Variants in MIS18A observed in about 807,000 individuals in gnomAD.
MIS18A encodes MIS18 kinetochore protein A.
MIS18A carries 14 observed loss-of-function variants against 25.0 expected under a neutral mutation model. The observed-to-expected ratio is 0.56, with a 90% confidence interval of 0.37 to 0.88. MIS18A has a LOEUF of 0.88. Among genes scored for constraint, MIS18A ranks in the 40% least tolerant of loss-of-function variants. MIS18A has a pLI of 0.00. For synonymous variants in MIS18A, 134 were observed against 118.6 expected (o/e 1.13, Z -0.84); for missense variants, 292 against 290.8 (o/e 1.00, Z -0.03).
the MIS18A span, among the ~76,000 whole-genome samples, chr21:32,172,301 A>G: frequency 6.6e-6 from 1 of 152,080 alleles, no homozygotes; most frequent in Non-Finnish European, 1.5e-5. Flanking sequence ...CATATACCCA[A>G]AGGAAACAAA....
the MIS18A span, among the ~76,000 whole-genome samples, chr21:32,157,274 T>C: frequency 0.079 from 3 of 38 alleles, no homozygotes; most frequent in Non-Finnish European, 0.15. Flanking sequence ...TTCATCATCT[T>C]GGCCCAGGCT....
At chr21:32,242,822 C>T in the MIS18A span, among the ~76,000 whole-genome samples, 3 of 152,118 alleles carry the variant, frequency 2.0e-5, no homozygotes, top group Non-Finnish European at 4.4e-5. Flanking sequence ...GGGGCCATGT[C>T]GAACTGGTAA....
the MIS18A span, among the ~76,000 whole-genome samples, chr21:32,187,098 G>T: frequency 0.011 from 1,712 of 152,260 alleles, 15 homozygotes; most frequent in Non-Finnish European, 0.018. Flanking sequence ...GGGAAGGCTT[G>T]GTTTCTGCAC....
Position 32,268,795 on chromosome 21 carries a change from GT to G in MIS18A, c.*241del, listed in dbSNP as rs35101292. 1,254 of 309,630 alleles carry G rather than the reference GT, an allele frequency of 4.0e-3. No homozygotes were observed. Among genetic ancestry groups the G allele is most frequent in the East Asian group, 5.0e-3 (93 of 18,760 alleles). 19.2% of individuals were successfully genotyped at this position (309,630 alleles called of 1,614,324 possible). On this transcript the variant is annotated 3_prime_UTR_variant, in exon 5 of 5. Transcript: ENST00000290130. The stretch of plus-strand genomic sequence containing the variant: ...TATAGAAGTAATTCTACAATTTTGG[GT>G]TTTTTTTTTGAGAGAAGGTCTCACT...
At chr21:32,219,536 C>G in the MIS18A span, among the ~76,000 whole-genome samples, 1 of 152,218 alleles carries the variant, frequency 6.6e-6, no homozygotes, top group South Asian at 2.1e-4. Context: ...GTTTCAAGAA[C>G]AAAACTGGGC....
chr21:32,263,057 A>G, the MIS18A span, among the ~76,000 whole-genome samples: 1 of 152,204 alleles, frequency 6.6e-6, no homozygotes, highest in Non-Finnish European at 1.5e-5. Flanking sequence ...AAAATTAATG[A>G]TCAATACCCA....
At chr21:32,262,165 G>C in the MIS18A span, among the ~76,000 whole-genome samples, 2 of 152,190 alleles carry the variant, frequency 1.3e-5, no homozygotes, top group African/African-American at 4.8e-5. Flanking sequence ...TGCTTCCTAC[G>C]GAAGAGGGTT....
At chr21:32,253,871 G>A in the MIS18A span, among the ~76,000 whole-genome samples, 1 of 152,252 alleles carries the variant, frequency 6.6e-6, no homozygotes, top group African/African-American at 2.4e-5. Flanking sequence ...TCAAAAAATT[G>A]GAAATAGTTT....
downstream of MIS18A, among the ~76,000 whole-genome samples, chr21:32,264,227 G>C (rs1231870165): frequency 6.6e-6 from 1 of 152,066 alleles, no homozygotes. Flanking sequence ...AAAATGACTA[G>C]AAGGATATAC....
the MIS18A span, among the ~76,000 whole-genome samples, chr21:32,224,893 A>G: frequency 7.1e-6 from 1 of 140,574 alleles, no homozygotes; most frequent in Non-Finnish European, 1.5e-5. Context: ...ACAAGGCTAC[A>G]GTAACCAAAA....
At chr21:32,170,451 T>G in the MIS18A span, among the ~76,000 whole-genome samples, 1 of 152,056 alleles carries the variant, frequency 6.6e-6, no homozygotes, top group Admixed American at 6.6e-5. Context: ...ATAGAAAATA[T>G]AAGAAATGGA....
chr21:32,201,157 G>A, the MIS18A span, among the ~76,000 whole-genome samples: 7 of 152,104 alleles, frequency 4.6e-5, no homozygotes, highest in South Asian at 1.5e-3. Flanking sequence ...GAGGGGACAG[G>A]TATCAGATTA....
At chr21:32,240,129 G>A in the MIS18A span, among the ~76,000 whole-genome samples, 1 of 152,358 alleles carries the variant, frequency 6.6e-6, no homozygotes, top group Non-Finnish European at 1.5e-5. Flanking sequence ...ACGTTGCATC[G>A]CATTGCTGCA....
chr21:32,157,262 G>C, the MIS18A span, among the ~76,000 whole-genome samples: 1 of 1,298 alleles, frequency 7.7e-4, no homozygotes, highest in Non-Finnish European at 1.1e-3. Flanking sequence ...TAGAGACAGG[G>C]TTTCATCATC....
At chr21:32,168,760 A>G in the MIS18A span, among the ~76,000 whole-genome samples, 1 of 152,214 alleles carries the variant, frequency 6.6e-6, no homozygotes, top group South Asian at 2.1e-4. Flanking sequence ...ATAAGCTAGC[A>G]TTGGGAAAAA....
chr21:32,242,496 T>G, the MIS18A span, among the ~76,000 whole-genome samples: 2 of 152,102 alleles, frequency 1.3e-5, no homozygotes, highest in African/African-American at 2.4e-5. Context: ...TAGACTGTAC[T>G]TAAAAAAAAA....
At chr21:32,250,480 C>T in the MIS18A span, among the ~76,000 whole-genome samples, 5 of 152,294 alleles carry the variant, frequency 3.3e-5, no homozygotes, top group African/African-American at 9.6e-5. Context: ...CCTCTCCCAT[C>T]CCCAGGTTGT....
the MIS18A span, among the ~76,000 whole-genome samples, chr21:32,203,212 T>C: frequency 1.3e-5 from 2 of 150,160 alleles, no homozygotes; most frequent in African/African-American, 4.9e-5. Flanking sequence ...CTCCATAAGG[T>C]CAATTATCCT....
chr21:32,243,099 A>T, the MIS18A span, among the ~76,000 whole-genome samples: 3 of 152,136 alleles, frequency 2.0e-5, no homozygotes, highest in East Asian at 3.9e-4. Context: ...ACACCTTATT[A>T]AAAAAAATTC....
Sources: allele counts gnomAD v4.1 joint callset (sites outside exome capture counted in the v4.1 genomes callset), GRCh38; gene constraint gnomAD v4.1.1; transcripts MANE v1.5; gene names NCBI Gene and HGNC (gene_info 2026-07-23, HGNC 2026-07-21).